GTF2IRD1: variants seen among roughly 807,000 people sequenced by gnomAD.
The protein encoded by GTF2IRD1 is GTF2I repeat domain containing 1.
GTF2IRD1 carries 26 observed loss-of-function variants against 113.2 expected under a neutral mutation model. The observed-to-expected ratio is 0.23, with a 90% CI of 0.17 to 0.32. The LOEUF is 0.32. Ranked by LOEUF, GTF2IRD1 falls within the 10% of genes least tolerant of loss-of-function variation. The pLI is 1.00. For missense variants in GTF2IRD1, 864 were observed against 1,280.8 expected, an observed-to-expected ratio of 0.67 and a Z score of 4.97; for synonymous variants, 484 against 529.1, an observed-to-expected ratio of 0.91 and a Z score of 1.17.
In GTF2IRD1 at chr7:74,468,699, T is replaced by C. The variant is rs1268161569; in HGVS notation, c.-7+14523T>C. Among the ~76,000 whole-genome samples the C allele has an allele frequency of 3.4e-5, 5 of 147,494 alleles. No individual in the cohort carries two copies. In the East Asian group the frequency reaches 8.1e-4, roughly 24 times the overall value. ...AACTGTGTGTGTGTGTGTGTGTGTG[T>C]GTGTGTGTGTGTGTGTGTGTGTGTA... On this transcript the variant is annotated intron_variant, in intron 1 of 26. Coordinates refer to ENST00000424337, the MANE Select transcript of GTF2IRD1 (RefSeq NM_005685.4).
intron 1 of GTF2IRD1, among the ~76,000 whole-genome samples, chr7:74,462,500 C>T (rs576793714): frequency 2.0e-5 from 3 of 152,302 alleles, no homozygotes; most frequent in East Asian, 1.9e-4. Context: ...GCTGGGTACA[C>T]GGGTAGCTGG....
intron 22 of GTF2IRD1, among the ~76,000 whole-genome samples, chr7:74,567,995 C>T (rs587760116): frequency 1.3e-5 from 2 of 152,028 alleles, no homozygotes; most frequent in East Asian, 3.9e-4. Flanking sequence ...CCATGTTGGC[C>T]AAGCCGGTGT....
chr7:74,572,483 G>C, intron 22 of GTF2IRD1: 1 of 540,588 alleles, frequency 1.8e-6, no homozygotes, highest in Admixed American at 6.4e-5. Flanking sequence ...TCTGATTTTA[G>C]ATAAGTTAAC....
intron 20 of GTF2IRD1, among the ~76,000 whole-genome samples, chr7:74,558,271 C>T (rs1469481332): frequency 4.4e-5 from 6 of 135,126 alleles, no homozygotes; most frequent in Non-Finnish European, 6.3e-5. Context: ...AAAAGCGAAA[C>T]TCCGTCTCAA....
chr7:74,587,165 C>G (rs1439737073), intron 22 of GTF2IRD1, among the ~76,000 whole-genome samples: 5 of 152,056 alleles, frequency 3.3e-5, no homozygotes, highest in African/African-American at 1.2e-4. Flanking sequence ...AGGAGTCAGG[C>G]TGGGCACAGT....
At chr7:74,601,415 G>C in intron 26 of GTF2IRD1, 1 of 1,478,984 alleles carries the variant, frequency 6.8e-7, no homozygotes, top group Non-Finnish European at 8.9e-7. Flanking sequence ...ATCCTCGCTG[G>C]GCAGATGGGC....
At chr7:74,590,084 GTTGA>G (rs1240766710) in intron 23 of GTF2IRD1, among the ~76,000 whole-genome samples, 156 bp downstream of exon 23, 4 of 151,886 alleles carry the variant, frequency 2.6e-5, no homozygotes, top group Non-Finnish European at 5.9e-5. Flanking sequence ...TTTTGTGTAT[GTTGA>G]TTTTTTTTTT....
At chr7:74,468,104 C>T (rs1793836802) in intron 1 of GTF2IRD1, among the ~76,000 whole-genome samples, 1 of 152,142 alleles carries the variant, frequency 6.6e-6, no homozygotes, top group Non-Finnish European at 1.5e-5. Flanking sequence ...TACACAGCTC[C>T]CCGAGTCCTG....
intron 2 of GTF2IRD1, among the ~76,000 whole-genome samples, chr7:74,508,833 T>A (rs968452602): frequency 5.9e-5 from 9 of 152,102 alleles, no homozygotes; most frequent in Non-Finnish European, 1.3e-4. Context: ...ACCTGGGGGA[T>A]AATGTGTGGG....
chr7:74,538,836 G>A, intron 13 of GTF2IRD1, 76 bp downstream of exon 13: 1 of 810,180 alleles, frequency 1.2e-6, no homozygotes, highest in Non-Finnish European at 2.1e-6. Flanking sequence ...CTGCCCTGGT[G>A]AAGAAGTGGC....
intron 24 of GTF2IRD1, among the ~76,000 whole-genome samples, chr7:74,592,969 T>C (rs782670500): frequency 5.3e-5 from 8 of 151,870 alleles, no homozygotes; most frequent in Non-Finnish European, 1.0e-4. Flanking sequence ...GCAATTCTTG[T>C]GCCTCAGCCT....
intron 9 of GTF2IRD1, among the ~76,000 whole-genome samples, chr7:74,530,538 A>C (rs1355323326): frequency 2.5e-5 from 2 of 81,562 alleles, no homozygotes; most frequent in Non-Finnish European, 2.2e-5. Context: ...ATCTTGCTAT[A>C]TTGCCCAGGC....
chr7:74,541,035 A>AT (rs1383130982), intron 14 of GTF2IRD1, among the ~76,000 whole-genome samples: 2 of 150,508 alleles, frequency 1.3e-5, no homozygotes, highest in Admixed American at 1.3e-4. Flanking sequence ...AAGTGCTGGG[A>AT]TTACAGGCGT....
chr7:74,592,482 G>A (rs1353454261), intron 24 of GTF2IRD1, among the ~76,000 whole-genome samples: 1 of 151,280 alleles, frequency 6.6e-6, no homozygotes, highest in Non-Finnish European at 1.5e-5. Context: ...GCCTTTCAAA[G>A]TGCTGGGATT....
chr7:74,456,247 C>T (rs1441431285), intron 1 of GTF2IRD1, among the ~76,000 whole-genome samples: 2 of 152,084 alleles, frequency 1.3e-5, no homozygotes, highest in Non-Finnish European at 2.9e-5. Context: ...GGTTGTTGGA[C>T]CTGGGGTCTT....
intron 1 of GTF2IRD1, among the ~76,000 whole-genome samples, chr7:74,480,748 G>A (rs1794692640): frequency 6.6e-6 from 1 of 152,320 alleles, no homozygotes; most frequent in Admixed American, 6.5e-5. Flanking sequence ...TGCCGGCGGC[G>A]GCGGAGTCCC....
chr7:74,529,964 C>T (rs1554348367), intron 9 of GTF2IRD1, 47 bp downstream of exon 9: 9 of 1,448,464 alleles, frequency 6.2e-6, no homozygotes, highest in Non-Finnish European at 8.6e-6. Context: ...AATCCCAGCA[C>T]TTTGGGAGGC....
rs146632231 is a variant in GTF2IRD1 at position 74,557,650 on chromosome 7, G to A, written c.2035G>A (p.Ala679Thr). 7.9e-5 allele frequency: 127 copies of A among 1,612,918 alleles called. No homozygotes were observed. The highest frequency in any genetic ancestry group is 6.9e-4 in the South Asian group (63 of 91,028). Residue 679 changes from alanine (A) to threonine (T), a missense_variant, in exon 20 of 27, where the codon GCG becomes ACG. Physicochemically the swap from Ala to Thr is moderately conservative, Grantham distance 58. This residue lies in a region of GTF2IRD1 where 195 missense variants were observed against 359.1 expected (regional missense o/e 0.54). Coordinates refer to ENST00000424337, the MANE Select transcript of GTF2IRD1 (RefSeq NM_005685.4). ...KRQGFQENYD[A>T]RLSRIDIANT... Reference sequence around the variant, plus strand: ...TTTGCGCTTTGCAGAAAATTATGACGCGAGGCTCTCACGGATCGACATCGC... The same window carrying A: ...TTTGCGCTTTGCAGAAAATTATGACACGAGGCTCTCACGGATCGACATCGC...
At chr7:74,545,028 C>T (rs1583846885) in intron 15 of GTF2IRD1, among the ~76,000 whole-genome samples, 1 of 152,166 alleles carries the variant, frequency 6.6e-6, no homozygotes, top group Non-Finnish European at 1.5e-5. Context: ...GAGAGCAGTT[C>T]CCACTGCTAA....
Sources: gnomAD v4.1 joint callset for allele counts (sites outside exome capture counted in the v4.1 genomes callset) on GRCh38, gnomAD v4.1.1 for gene constraint, gnomAD v4.1.1 regional missense constraint, MANE v1.5 for transcripts, NCBI Gene and HGNC (gene_info 2026-07-23, HGNC 2026-07-21) for gene names.